The following UNC5C variants were observed in gnomAD, a reference collection of about 807,000 sequenced individuals.
UNC5C encodes unc-5 netrin receptor C.
A neutral mutation model predicts 99.8 loss-of-function variants in UNC5C; 47 were observed. That is an observed-to-expected ratio of 0.47 (90% CI 0.37 to 0.60). The LOEUF (loss-of-function observed/expected upper bound fraction) is 0.60. Among genes scored for constraint, UNC5C ranks in the 20% least tolerant of loss-of-function variants. UNC5C has a pLI of 0.00. For synonymous variants in UNC5C, 487 were observed against 452.2 expected (o/e 1.08, Z -0.98); for missense variants, 1,062 against 1,165.9 (o/e 0.91, Z 1.30).
chr4:95,543,390 T>C (rs1240402308), intron 1 of UNC5C, among the ~76,000 whole-genome samples: 2 of 152,196 alleles, frequency 1.3e-5, no homozygotes, highest in African/African-American at 4.8e-5. Context: ...CAATAAGAGT[T>C]AGATGCAAAT....
intron 1 of UNC5C, among the ~76,000 whole-genome samples, chr4:95,402,043 C>T (rs1463286640): frequency 6.6e-6 from 1 of 152,170 alleles, no homozygotes; most frequent in Non-Finnish European, 1.5e-5. Context: ...TTTCACATAT[C>T]AATTATCTAG....
rs181104126 is a variant in UNC5C, at chr4:95,447,316, T to C, written c.124+101418A>G. 2.7e-3 allele frequency among the ~76,000 whole-genome samples: 410 copies of C among 152,314 alleles called. 2 individuals are homozygous for C. The highest frequency in any genetic ancestry group is 4.2e-3 in the Non-Finnish European group (288 of 68,026). On this transcript the variant is annotated intron_variant, in intron 1 of 15. Coordinates refer to ENST00000453304, the MANE Select transcript of UNC5C (RefSeq NM_003728.4). ...GGTCCCATTTATTGAGCACTTTATA[T>C]GTATCACACATTTTGCTTAACTATT...
At chr4:95,291,891 A>G (rs989797090) in intron 3 of UNC5C, among the ~76,000 whole-genome samples, 1 of 152,100 alleles carries the variant, frequency 6.6e-6, no homozygotes, top group Admixed American at 6.6e-5. Flanking sequence ...TATACAAGGT[A>G]TCATACTACA....
At chr4:95,269,393 C>G (rs545324100) in intron 4 of UNC5C, among the ~76,000 whole-genome samples, 287 of 152,240 alleles carry the variant, frequency 1.9e-3, no homozygotes, top group African/African-American at 6.3e-3. Flanking sequence ...CTCCCAGGCT[C>G]GAGTGATCCT....
chr4:95,316,330 C>T (rs1742474943), intron 2 of UNC5C, among the ~76,000 whole-genome samples: 1 of 152,140 alleles, frequency 6.6e-6, no homozygotes, highest in Non-Finnish European at 1.5e-5. Context: ...GAGAGTCAAC[C>T]TGTCCATCAT....
chr4:95,219,750 C>T (rs931652441), intron 8 of UNC5C, among the ~76,000 whole-genome samples: 1 of 151,950 alleles, frequency 6.6e-6, no homozygotes, highest in Non-Finnish European at 1.5e-5. Flanking sequence ...GTACTCTTTT[C>T]GATTAGAAGT....
chr4:95,416,133 T>C (rs983061182), intron 1 of UNC5C, among the ~76,000 whole-genome samples: 1 of 152,140 alleles, frequency 6.6e-6, no homozygotes, highest in Non-Finnish European at 1.5e-5. Flanking sequence ...AGTAGAAAGA[T>C]TTAAGCCCAT....
chr4:95,428,436 T>A (rs1050498182), intron 1 of UNC5C, among the ~76,000 whole-genome samples: 3 of 152,198 alleles, frequency 2.0e-5, no homozygotes, highest in African/African-American at 7.2e-5. Flanking sequence ...TGCCTTCAAA[T>A]GGTGATTGCG....
chr4:95,386,380 C>T (rs769982585), intron 1 of UNC5C, among the ~76,000 whole-genome samples: 56 of 152,136 alleles, frequency 3.7e-4, no homozygotes, highest in Non-Finnish European at 7.5e-4. Context: ...CCCCCTACCC[C>T]ACAACAACTT....
chr4:95,300,755 C>T (rs1489009249), intron 3 of UNC5C, among the ~76,000 whole-genome samples: 4 of 152,032 alleles, frequency 2.6e-5, no homozygotes, highest in African/African-American at 9.7e-5. Flanking sequence ...AAATTGAACT[C>T]ACAGACATAG....
chr4:95,483,030 TAATAATA>T lies in UNC5C; in HGVS notation c.124+65697_124+65703del, dbSNP rs1560851097. 2.8e-5 allele frequency among the ~76,000 whole-genome samples: 4 copies of T among 143,974 alleles called. No homozygotes were observed. The Admixed American group carries it at 2.8e-4, about 10-fold the overall frequency. The allele number at this position is 143,974 out of a possible 152,430, so 94.5% of individuals were successfully genotyped here. On this transcript the variant is annotated intron_variant, in intron 1 of 15. Transcript: ENST00000453304. ...ATAATAATAATAATAATAATAATAATAATAATAATAATAAAAACACATGCAGTAATAA... is the reference window on the plus strand; with the variant it reads ...ATAATAATAATAATAATAATAATAATATAATAAAAACACATGCAGTAATAA...
intron 4 of UNC5C, among the ~76,000 whole-genome samples, chr4:95,254,382 G>A (rs1392148485): frequency 1.3e-5 from 2 of 152,194 alleles, no homozygotes; most frequent in Admixed American, 1.3e-4. Context: ...GAATAATGTG[G>A]AAAACATTTG....
At chr4:95,405,650 T>C (rs571946708) in intron 1 of UNC5C, among the ~76,000 whole-genome samples, 15 of 152,286 alleles carry the variant, frequency 9.8e-5, no homozygotes, top group Non-Finnish European at 1.9e-4. Context: ...CTCCTCATTT[T>C]AGATGAGGAA....
chr4:95,457,451 T>A (rs1747472178), intron 1 of UNC5C, among the ~76,000 whole-genome samples: 1 of 152,128 alleles, frequency 6.6e-6, no homozygotes, highest in Non-Finnish European at 1.5e-5. Flanking sequence ...CAATATCAAA[T>A]ATTTCTACCA....
In UNC5C at chr4:95,213,862, C is replaced by T. The variant is rs72878174; in HGVS notation, c.1733+2262G>A. ...ATAGAAAGTGTATCCAAAAATGCACCGTAATACATAGGCAGAGGTTTGGTT... is the reference window on the plus strand; with the variant it reads ...ATAGAAAGTGTATCCAAAAATGCACTGTAATACATAGGCAGAGGTTTGGTT... On this transcript the variant is annotated intron_variant, in intron 10 of 15. Transcript: ENST00000453304. 6.5e-3 allele frequency among the ~76,000 whole-genome samples: 994 copies of T among 152,178 alleles called. 9 individuals carry two copies. The highest frequency in any genetic ancestry group is 0.022 in the African/African-American group (925 of 41,502).
intron 4 of UNC5C, among the ~76,000 whole-genome samples, chr4:95,274,694 A>G (rs1427354625): frequency 6.6e-6 from 1 of 152,036 alleles, no homozygotes; most frequent in Non-Finnish European, 1.5e-5. Flanking sequence ...TAGTGTCCTG[A>G]GTTGATAAGG....
chr4:95,261,342 A>T (rs937790322), intron 4 of UNC5C, among the ~76,000 whole-genome samples: 8 of 152,186 alleles, frequency 5.3e-5, no homozygotes, highest in African/African-American at 1.9e-4. Flanking sequence ...CTAGCAGTAG[A>T]ATTGGGTGTG....
At chr4:95,338,738 A>G (rs1324164185) in intron 1 of UNC5C, among the ~76,000 whole-genome samples, 1 of 152,096 alleles carries the variant, frequency 6.6e-6, no homozygotes, top group East Asian at 1.9e-4. Flanking sequence ...TGAATATTAT[A>G]CTAATGGCAA....
intron 4 of UNC5C, among the ~76,000 whole-genome samples, chr4:95,274,683 C>T (rs1338795314): frequency 6.6e-6 from 1 of 152,040 alleles, no homozygotes; most frequent in Non-Finnish European, 1.5e-5. Context: ...AAGGGCTGGT[C>T]TAGTGTCCTG....
Sources: gnomAD v4.1 joint callset for allele counts (sites outside exome capture counted in the v4.1 genomes callset) on GRCh38, gnomAD v4.1.1 for gene constraint, MANE v1.5 for transcripts, NCBI Gene and HGNC (gene_info 2026-07-23, HGNC 2026-07-21) for gene names.